The following FUT8 variants were observed in gnomAD, a reference collection of about 807,000 sequenced individuals.
The protein encoded by FUT8 is fucosyltransferase 8, also known as alpha-(1,6)-fucosyltransferase.
FUT8 carries 29 observed loss-of-function variants against 71.3 expected under a neutral mutation model. The observed-to-expected ratio is 0.41, with a 90% CI of 0.30 to 0.55. The LOEUF (loss-of-function observed/expected upper bound fraction) is 0.55. FUT8 is among the 20% of genes least tolerant of loss of function. The pLI is 0.34. For synonymous variants in FUT8, 254 were observed against 239.3 expected (o/e 1.06, Z -0.57); for missense variants, 544 against 702.1 (o/e 0.77, Z 2.55).
chr14:65,705,973 A>G (rs1894533765), intron 7 of FUT8, among the ~76,000 whole-genome samples: 1 of 152,212 alleles, frequency 6.6e-6, no homozygotes, highest in Admixed American at 6.5e-5. Flanking sequence ...CTCTTCCTAG[A>G]TCAAACTATA....
In FUT8 at chr14:65,550,756, T is replaced by C. The variant is rs1885241174; in HGVS notation, c.-227-10581T>C. Reference sequence around the variant, plus strand: ...TGTCATTTCTGTTTTCTGGATCTGTTTAAATGGACTAATTTTCTCCTGGTT... The same window carrying C: ...TGTCATTTCTGTTTTCTGGATCTGTCTAAATGGACTAATTTTCTCCTGGTT... On this transcript the variant is annotated intron_variant, in intron 2 of 10. Coordinates refer to ENST00000673929, the MANE Select transcript of FUT8 (RefSeq NM_001371533.1). The surrounding 1 kb of genome is among the most constrained non-coding windows in gnomAD (Gnocchi z 4.5). 6.6e-6 allele frequency among the ~76,000 whole-genome samples: 1 copy of C among 152,232 alleles called. No homozygotes were observed. The highest frequency in any genetic ancestry group is 1.5e-5 in the Non-Finnish European group (1 of 68,034).
At chr14:65,611,217 GCGCGCGCA>G (rs1888923985) in intron 3 of FUT8, among the ~76,000 whole-genome samples, 1 of 3,178 alleles carries the variant, frequency 3.1e-4, no homozygotes, top group African/African-American at 4.9e-4. Context: ...GCGCGCGCGC[GCGCGCGCA>G]CACACACACA....
chr14:65,694,656 A>G (rs1472439840), intron 7 of FUT8, among the ~76,000 whole-genome samples: 1 of 152,152 alleles, frequency 6.6e-6, no homozygotes, highest in East Asian at 1.9e-4. Context: ...ATGTCCAACA[A>G]TGATAGACTG....
At chr14:65,385,830 C>T in the FUT8 span, among the ~76,000 whole-genome samples, 41 of 152,178 alleles carry the variant, frequency 2.7e-4, no homozygotes, top group African/African-American at 8.9e-4. Context: ...GCGTGAGCCA[C>T]GGCACCCAGC....
chr14:65,361,956 C>A, the FUT8 span, among the ~76,000 whole-genome samples: 1 of 152,278 alleles, frequency 6.6e-6, no homozygotes, highest in East Asian at 1.9e-4. Context: ...AAACTTTCAT[C>A]AGCTGTTTGA....
At chr14:65,703,606 A>G (rs1172854641) in intron 7 of FUT8, among the ~76,000 whole-genome samples, 3 of 152,228 alleles carry the variant, frequency 2.0e-5, no homozygotes, top group African/African-American at 4.8e-5. Flanking sequence ...TTTGGCACAT[A>G]AGACCATACT....
chr14:65,571,427 A>G (rs528412013), intron 3 of FUT8, among the ~76,000 whole-genome samples: 20 of 152,264 alleles, frequency 1.3e-4, no homozygotes, highest in African/African-American at 4.8e-4. Context: ...CAGATGATCC[A>G]TAGTTTCCCT....
At chr14:65,620,688 A>C (rs1251734196) in intron 5 of FUT8, among the ~76,000 whole-genome samples, 1 of 152,188 alleles carries the variant, frequency 6.6e-6, no homozygotes, top group African/African-American at 2.4e-5. Flanking sequence ...AGAGAGAGAC[A>C]GAGAGAGGAA....
chr14:65,484,805 T>G (rs1261007942), intron 2 of FUT8, among the ~76,000 whole-genome samples: 2 of 152,246 alleles, frequency 1.3e-5, no homozygotes, highest in Non-Finnish European at 2.9e-5. Flanking sequence ...TGCCCCACAG[T>G]TCACTGATGC....
intron 1 of FUT8, among the ~76,000 whole-genome samples, chr14:65,445,873 C>T (rs573216114): frequency 1.2e-4 from 19 of 152,328 alleles, no homozygotes; most frequent in Non-Finnish European, 2.4e-4. Flanking sequence ...GGTGATCCCC[C>T]TGCCTTGGCC....
At chr14:65,423,684 A>G (rs1459479653) in intron 1 of FUT8, among the ~76,000 whole-genome samples, 3 of 152,194 alleles carry the variant, frequency 2.0e-5, no homozygotes, top group Non-Finnish European at 4.4e-5. Context: ...TTATCAAGCC[A>G]TCCGTGGCTG....
At chr14:65,397,327 G>A in the FUT8 span, among the ~76,000 whole-genome samples, 1 of 152,212 alleles carries the variant, frequency 6.6e-6, no homozygotes, top group African/African-American at 2.4e-5. This position sits in a 1 kb window ranked among gnomAD's most constrained non-coding sequence, Gnocchi z 4.2. Flanking sequence ...AGCACTAGAG[G>A]ATGATTCTAG....
chr14:65,519,032 C>A (rs987530624), intron 2 of FUT8, among the ~76,000 whole-genome samples: 3 of 152,072 alleles, frequency 2.0e-5, no homozygotes, highest in Non-Finnish European at 2.9e-5. Flanking sequence ...ACTGGAAATA[C>A]AGCAATGATA....
intron 1 of FUT8, among the ~76,000 whole-genome samples, chr14:65,445,217 A>T (rs751956088): frequency 2.6e-5 from 4 of 151,588 alleles, no homozygotes; most frequent in Non-Finnish European, 4.4e-5. Flanking sequence ...TAAATAAATA[A>T]AAGGATAAAA....
At chr14:65,374,925 T>G in the FUT8 span, among the ~76,000 whole-genome samples, 1 of 152,108 alleles carries the variant, frequency 6.6e-6, no homozygotes, top group Non-Finnish European at 1.5e-5. Context: ...TAAATGTAAC[T>G]ATTCCCTGCA....
intron 2 of FUT8, among the ~76,000 whole-genome samples, chr14:65,481,438 A>G (rs987104345): frequency 6.6e-6 from 1 of 152,188 alleles, no homozygotes; most frequent in South Asian, 2.1e-4. Context: ...TAGTGGGTTA[A>G]TGGAGTGTGA....
intron 3 of FUT8, among the ~76,000 whole-genome samples, chr14:65,562,643 A>T (rs1327466477): frequency 3.9e-5 from 6 of 152,150 alleles, no homozygotes; most frequent in African/African-American, 1.4e-4. Context: ...AGAAGCTAGA[A>T]ATGAAGATTT....
the FUT8 span, among the ~76,000 whole-genome samples, chr14:65,364,544 C>A: frequency 6.6e-6 from 1 of 152,176 alleles, no homozygotes; most frequent in African/African-American, 2.4e-5. Context: ...GCAAGGCGCC[C>A]TTATCGTTCT....
chr14:65,569,679 G>A (rs1256244007), intron 3 of FUT8, among the ~76,000 whole-genome samples: 1 of 151,610 alleles, frequency 6.6e-6, no homozygotes, highest in Non-Finnish European at 1.5e-5. Context: ...TCTATTTCAT[G>A]GATCACCTTT....
Sources: allele counts gnomAD v4.1 joint callset (sites outside exome capture counted in the v4.1 genomes callset), GRCh38; gene constraint gnomAD v4.1.1; non-coding constraint Gnocchi (gnomAD v3.1); transcripts MANE v1.5; gene names NCBI Gene and HGNC (gene_info 2026-07-23, HGNC 2026-07-21).